EPS15: variants seen among roughly 807,000 people sequenced by gnomAD.
The protein encoded by EPS15 is epidermal growth factor receptor substrate 15.
EPS15 carries 72 observed loss-of-function variants against 113.8 expected under a neutral mutation model. That is an observed-to-expected ratio of 0.63 (90% CI 0.52 to 0.77). The LOEUF is 0.77. Ranked by LOEUF, EPS15 falls within the 30% of genes least tolerant of loss-of-function variation. EPS15 has a pLI of 0.00. For synonymous variants in EPS15, 344 were observed against 363.4 expected (o/e 0.95, Z 0.61); for missense variants, 1,048 against 1,045.8 (o/e 1.00, Z -0.03).
chr1:51,402,239 C>T (rs781344904), intron 18 of EPS15, among the ~76,000 whole-genome samples, 196 bp downstream of exon 18: 1 of 151,910 alleles, frequency 6.6e-6, no homozygotes, highest in Non-Finnish European at 1.5e-5. Context: ...CTCAGCTACT[C>T]AAGAGGCTGA....
At position 51,462,616 on chromosome 1, in the gene EPS15, A is replaced by C. The variant is rs181303267; in HGVS notation, c.501+1057T>G. Among the ~76,000 whole-genome samples, 535 of 152,194 alleles carry C rather than the reference A, an allele frequency of 3.5e-3. 4 individuals are homozygous for C. Among genetic ancestry groups the C allele is most frequent in the African/African-American group, 0.012 (512 of 41,544 alleles). Reference sequence around the variant, plus strand: ...ATGTTTTTTCCATCAGGCAGGAGAGATAGAAAAATAACATGGCAAAGGGGG... The same window carrying C: ...ATGTTTTTTCCATCAGGCAGGAGAGCTAGAAAAATAACATGGCAAAGGGGG... On this transcript the variant is annotated intron_variant, in intron 7 of 24. Coordinates refer to ENST00000371733, the MANE Select transcript of EPS15 (RefSeq NM_001981.3).
At chr1:51,460,879 G>A (rs1036178535) in intron 8 of EPS15, 10 of 416,052 alleles carry the variant, frequency 2.4e-5, no homozygotes, top group Non-Finnish European at 3.9e-5. Context: ...ACTTGAACCT[G>A]GGAGGTAGAG....
intron 1 of EPS15, among the ~76,000 whole-genome samples, chr1:51,510,509 C>T (rs1041138404): frequency 1.3e-4 from 20 of 152,142 alleles, no homozygotes; most frequent in Non-Finnish European, 2.5e-4. Flanking sequence ...GTTCTAGAAG[C>T]ATCAGTCCTC....
chr1:51,490,186 T>C (rs535812672), intron 1 of EPS15: 67 of 363,502 alleles, frequency 1.8e-4, no homozygotes, highest in African/African-American at 1.5e-3. Flanking sequence ...GATATTAGAG[T>C]ACATGACTTT....
chr1:51,482,552 C>T (rs1222686825), intron 1 of EPS15, among the ~76,000 whole-genome samples: 4 of 152,056 alleles, frequency 2.6e-5, no homozygotes, highest in Non-Finnish European at 2.9e-5. Context: ...CTGCAACCTC[C>T]GCCTCCCAGG....
chr1:51,399,286 C>T (rs1327464734), intron 19 of EPS15, 121 bp from the exon 20 acceptor site: 2 of 848,428 alleles, frequency 2.4e-6, no homozygotes, highest in Non-Finnish European at 3.6e-6. Context: ...TGCAGTGGCT[C>T]ACGTCTGCAT....
intron 24 of EPS15, among the ~76,000 whole-genome samples, chr1:51,359,514 C>CT (rs1646331069): frequency 6.6e-6 from 1 of 150,606 alleles, no homozygotes; most frequent in Non-Finnish European, 1.5e-5. Flanking sequence ...AATCCCAACA[C>CT]TTTGAGAGGC....
chr1:51,356,848 T>C lies in EPS15; in HGVS notation c.2545-2A>G. ...GATCATATCTTCTTCAGAGGGATAC[T>C]GCCATTTAAAAGATCGATGAACAAA... On this transcript the variant is annotated splice_acceptor_variant, in intron 24 of 24. Coordinates refer to ENST00000371733, the MANE Select transcript of EPS15 (RefSeq NM_001981.3). LOFTEE classifies it high-confidence loss of function. The C allele has an allele frequency of 6.2e-7, 1 of 1,604,204 alleles. No homozygotes were observed. The highest frequency in any genetic ancestry group is 8.5e-7 in the Non-Finnish European group (1 of 1,176,888).
At chr1:51,372,879 TC>T in intron 21 of EPS15, 1 of 784,152 alleles carries the variant, frequency 1.3e-6, no homozygotes, top group Non-Finnish European at 1.9e-6. Context: ...CTTCTGGATA[TC>T]AGGAGCTACC....
In EPS15 at chr1:51,356,547, G is replaced by GAAA; in HGVS notation, c.*150_*152dup. On this transcript the variant is annotated 3_prime_UTR_variant, in exon 25 of 25. Transcript: ENST00000371733. The stretch of plus-strand genomic sequence containing the variant: ...AAAAAAAAGACGAATCTGTAATGAA[G>GAAA]AAAAAAAAAAAATCCTAAAATTTTG... 2.1e-6 allele frequency: 1 copy of GAAA among 465,826 alleles called. No individual in the cohort carries two copies. The highest frequency in any genetic ancestry group is 3.7e-5 in the South Asian group (1 of 26,926). The allele number at this position is 465,826 out of a possible 1,614,324, so 28.9% of individuals were successfully genotyped here.
intron 2 of EPS15, among the ~76,000 whole-genome samples, chr1:51,480,291 T>C (rs533869643): frequency 6.6e-6 from 1 of 152,312 alleles, no homozygotes; most frequent in East Asian, 1.9e-4. Context: ...ATCTGACACT[T>C]GAAAATGGGC....
rs915796137 is a variant in EPS15, at chr1:51,488,923, T to C, written c.34-7609A>G. On this transcript the variant is annotated intron_variant, in intron 1 of 24. Transcript: ENST00000371733. ...GCCTTCTGACTCCTAACCCTTCTCA[T>C]AGCTGGCTAGAATACAGATATAGTG... Among the ~76,000 whole-genome samples, 11 of 152,258 alleles carry C rather than the reference T, an allele frequency of 7.2e-5. No individual in the cohort carries two copies. In the South Asian group the frequency reaches 2.1e-3, roughly 29 times the overall value.
In EPS15 at chr1:51,406,045, T is replaced by C. The variant is rs776305767; in HGVS notation, c.1537A>G (p.Ser513Gly). Reference protein sequence around the residue: ...ENHNSQLNWCSSPHSILVNGA... With the variant: ...ENHNSQLNWCGSPHSILVNGA... The stretch of plus-strand genomic sequence containing the variant: ...TTTACAAGAATGCTGTGTGGGCTAC[T>C]GCACCAATTTAACTGACTATTATGA... The change falls in exon 16 of 25, where the codon AGT becomes GGT. Residue 513 changes from serine (S) to glycine (G), a missense_variant. Physicochemically the swap from Ser to Gly is moderately conservative, Grantham distance 56. Transcript: ENST00000371733. 14 of 1,614,200 alleles carry C rather than the reference T, an allele frequency of 8.7e-6. No individual in the cohort carries two copies. Among genetic ancestry groups the C allele is most frequent in the Non-Finnish European group, 1.1e-5 (13 of 1,180,002 alleles).
chr1:51,449,609 T>C (rs1459052965), intron 8 of EPS15, among the ~76,000 whole-genome samples: 1 of 151,646 alleles, frequency 6.6e-6, no homozygotes, highest in Non-Finnish European at 1.5e-5. Context: ...TTGTTAAAGA[T>C]GCTATATTAG....
At chr1:51,451,359 C>T (rs1178540333) in intron 8 of EPS15, among the ~76,000 whole-genome samples, 4 of 150,936 alleles carry the variant, frequency 2.7e-5, no homozygotes, top group Non-Finnish European at 4.4e-5. Flanking sequence ...GGCGTGGTGG[C>T]GCATGCCTGT....
intron 21 of EPS15, among the ~76,000 whole-genome samples, chr1:51,380,462 C>T (rs537757589): frequency 6.6e-6 from 1 of 152,178 alleles, no homozygotes; most frequent in South Asian, 2.1e-4. Flanking sequence ...GTTTTGGATC[C>T]AACTGAAATT....
At chr1:51,443,637 CTTT>C in intron 11 of EPS15, among the ~76,000 whole-genome samples, 1 of 406 alleles carries the variant, frequency 2.5e-3, no homozygotes, top group Non-Finnish European at 6.8e-3. Flanking sequence ...ATCCAATTTT[CTTT>C]CTTTCTTTCT....
chr1:51,418,694 T>C (rs1021408012), intron 13 of EPS15, among the ~76,000 whole-genome samples: 4 of 152,126 alleles, frequency 2.6e-5, no homozygotes, highest in African/African-American at 9.7e-5. Flanking sequence ...TGCGGAATAA[T>C]ACAGCTAGTA....
chr1:51,507,907 G>A (rs905028752), intron 1 of EPS15, among the ~76,000 whole-genome samples: 5 of 152,010 alleles, frequency 3.3e-5, no homozygotes, highest in African/African-American at 1.2e-4. Flanking sequence ...GCCCAACGCG[G>A]TGGCTCACGC....
Sources: gnomAD v4.1 joint callset for allele counts (sites outside exome capture counted in the v4.1 genomes callset) on GRCh38, gnomAD v4.1.1 for gene constraint, MANE v1.5 for transcripts, NCBI Gene and HGNC (gene_info 2026-07-23, HGNC 2026-07-21) for gene names.